TRPV4: variants seen among roughly 807,000 people sequenced by gnomAD.
The protein encoded by TRPV4 is OSM9-like transient receptor potential channel 4.
A neutral mutation model predicts 84.1 loss-of-function variants in TRPV4; 58 were observed. The observed-to-expected ratio is 0.69, with a 90% CI of 0.56 to 0.86. The LOEUF (loss-of-function observed/expected upper bound fraction) is 0.86. Among genes scored for constraint, TRPV4 ranks in the 40% least tolerant of loss-of-function variants. The probability of loss-of-function intolerance (pLI) is 0.00; values close to 1 mark genes in which losing one functional copy is unlikely to be tolerated. For synonymous variants in TRPV4, 489 were observed against 500.9 expected, an observed-to-expected ratio of 0.98 and a Z score of 0.32; for missense variants, 879 against 1,181.1, an observed-to-expected ratio of 0.74 and a Z score of 3.75.
chr12:109,818,582 CCATTCT>C (rs146090765), intron 1 of TRPV4, among the ~76,000 whole-genome samples: 2,066 of 152,210 alleles, frequency 0.014, 44 homozygotes, highest in African/African-American at 0.047. Context: ...TTACTGCCGC[CCATTCT>C]CATCTCTCTG....
At position 109,798,604 on chromosome 12, in the gene TRPV4, G is replaced by A. The variant is rs766655934; in HGVS notation, c.1152+10C>T. On this transcript the variant is annotated intron_variant, in intron 6 of 15. Coordinates refer to ENST00000261740, the MANE Select transcript of TRPV4 (RefSeq NM_021625.5). This position sits in a 1 kb window ranked among gnomAD's most constrained non-coding sequence, Gnocchi z 5.0. ...AGGTGGATCAGCTGTGCCCCCAGCC[G>A]CACACTCACCCCAATCTTGCCCGTC... 24 of 1,609,624 alleles carry A rather than the reference G, an allele frequency of 1.5e-5. No homozygotes were observed. Among genetic ancestry groups the A allele is most frequent in the Middle Eastern group, 1.6e-4 (1 of 6,068 alleles).
chr12:109,831,720 T>A (rs900470868), intron 1 of TRPV4, among the ~76,000 whole-genome samples: 1 of 152,244 alleles, frequency 6.6e-6, no homozygotes, highest in East Asian at 1.9e-4. Context: ...CCGGAGCTCA[T>A]GTGAAACATC....
At chr12:109,804,586 G>A (rs761008787) in intron 3 of TRPV4, among the ~76,000 whole-genome samples, 5 of 152,176 alleles carry the variant, frequency 3.3e-5, no homozygotes, top group African/African-American at 7.2e-5. Context: ...TTTAGGAACC[G>A]TCTCCCTAAA....
At chr12:109,801,867 T>C (rs1890808251) in intron 4 of TRPV4, among the ~76,000 whole-genome samples, 1 of 152,116 alleles carries the variant, frequency 6.6e-6, no homozygotes, top group East Asian at 1.9e-4. Context: ...AACAGTACCT[T>C]GGCCTCCCAG....
At chr12:109,789,950 G>A (rs1889928652) in intron 12 of TRPV4, among the ~76,000 whole-genome samples, 1 of 152,132 alleles carries the variant, frequency 6.6e-6, no homozygotes, top group Non-Finnish European at 1.5e-5. Flanking sequence ...CATCCTATAA[G>A]GAGAAGACCT....
Position 109,791,452 on chromosome 12 carries a change from T to G in TRPV4, c.1891+911A>C, listed in dbSNP as rs527848447. ...AGGTGGCTTCCTTTGTAGCAATAGC[T>G]AATACTCCAGTTTTGCCATTCACCA... On this transcript the variant is annotated intron_variant, in intron 12 of 15. Transcript: ENST00000261740. Among the ~76,000 whole-genome samples the G allele has an allele frequency of 1.3e-3, 195 of 150,650 alleles. 1 individual carries two copies. The highest frequency in any genetic ancestry group is 3.0e-3 in the South Asian group (14 of 4,730).
At chr12:109,827,910 G>A (rs770936498) in intron 1 of TRPV4, among the ~76,000 whole-genome samples, 15 of 150,544 alleles carry the variant, frequency 1.0e-4, no homozygotes, top group South Asian at 2.1e-4. Flanking sequence ...ACATACACAC[G>A]CACATCAATA....
chr12:109,792,875 T>C, intron 10 of TRPV4, 58 bp from the exon 11 acceptor site: 3 of 1,592,230 alleles, frequency 1.9e-6, no homozygotes, highest in Non-Finnish European at 2.6e-6. Flanking sequence ...AATGAGGCTC[T>C]GGAGGGGAAG....
chr12:109,792,870 G>A, intron 10 of TRPV4, 53 bp from the exon 11 acceptor site: 2 of 1,594,746 alleles, frequency 1.3e-6, no homozygotes, highest in Middle Eastern at 1.7e-4. Flanking sequence ...GGGACAATGA[G>A]GCTCTGGAGG....
intron 1 of TRPV4, among the ~76,000 whole-genome samples, chr12:109,823,018 G>A (rs1052965247): frequency 2.2e-4 from 33 of 152,194 alleles, no homozygotes; most frequent in African/African-American, 8.0e-4. Context: ...AGCCTTGGAG[G>A]TAGACTCTGG....
chr12:109,810,390 C>T (rs1891448477), intron 2 of TRPV4, among the ~76,000 whole-genome samples: 1 of 152,026 alleles, frequency 6.6e-6, no homozygotes, highest in Non-Finnish European at 1.5e-5. Context: ...GGCAGCAGGG[C>T]CAGAGGGGAA....
At chr12:109,820,099 T>C (rs1364791462) in intron 1 of TRPV4, among the ~76,000 whole-genome samples, 1 of 152,154 alleles carries the variant, frequency 6.6e-6, no homozygotes, top group Non-Finnish European at 1.5e-5. Context: ...CCAGGCACTG[T>C]GCTAGACTAG....
chr12:109,801,949 A>T (rs565949670), intron 4 of TRPV4, among the ~76,000 whole-genome samples: 1 of 152,100 alleles, frequency 6.6e-6, no homozygotes, highest in Non-Finnish European at 1.5e-5. Flanking sequence ...GTCAACTCTG[A>T]TTTACAGAAT....
At chr12:109,827,562 C>T (rs1892288956) in intron 1 of TRPV4, among the ~76,000 whole-genome samples, 1 of 151,982 alleles carries the variant, frequency 6.6e-6, no homozygotes, top group South Asian at 2.1e-4. Flanking sequence ...AACACACACA[C>T]ACACACACAC....
chr12:109,832,120 C>G (rs973986201), intron 1 of TRPV4, among the ~76,000 whole-genome samples: 1 of 152,206 alleles, frequency 6.6e-6, no homozygotes, highest in Non-Finnish European at 1.5e-5. Context: ...CCCAGTATTA[C>G]AGAGGAGAGA....
chr12:109,797,031 T>G (rs907802302), intron 6 of TRPV4, among the ~76,000 whole-genome samples: 2 of 152,206 alleles, frequency 1.3e-5, no homozygotes, highest in Non-Finnish European at 2.9e-5. Flanking sequence ...GACATGTGAA[T>G]TATAATACTG....
chr12:109,807,821 A>G (rs1052316142), intron 3 of TRPV4, among the ~76,000 whole-genome samples: 3 of 152,142 alleles, frequency 2.0e-5, no homozygotes, highest in African/African-American at 7.2e-5. Flanking sequence ...TAGAATCAGG[A>G]CTACCAGCCC....
rs1889674490 is a variant in TRPV4, at chr12:109,786,215, C to T, written c.2336+495G>A. ...CCTAAGAAGCTGGCACTCCCTGTGC[C>T]TCTGGAACACGGAGTCATTCTGCAG... On this transcript the variant is annotated intron_variant, in intron 14 of 15. Transcript: ENST00000261740. This position sits in a 1 kb window ranked among gnomAD's most constrained non-coding sequence, Gnocchi z 4.5. Among the ~76,000 whole-genome samples the T allele has an allele frequency of 1.3e-5, 2 of 152,228 alleles. No individual in the cohort carries two copies. The highest frequency in any genetic ancestry group is 2.9e-5 in the Non-Finnish European group (2 of 68,036).
intron 1 of TRPV4, among the ~76,000 whole-genome samples, chr12:109,819,639 G>A (rs999628947): frequency 7.2e-5 from 11 of 152,210 alleles, no homozygotes; most frequent in African/African-American, 2.7e-4. Flanking sequence ...TCAGCTCACT[G>A]CAACCTCCTC....
Sources: allele counts gnomAD v4.1 joint callset (sites outside exome capture counted in the v4.1 genomes callset), GRCh38; gene constraint gnomAD v4.1.1; non-coding constraint Gnocchi (gnomAD v3.1); transcripts MANE v1.5; gene names NCBI Gene and HGNC (gene_info 2026-07-23, HGNC 2026-07-21).